The following TANGO6 variants were observed in gnomAD, a reference collection of about 807,000 sequenced individuals.
The protein encoded by TANGO6 is transport and golgi organization 6 homolog, also known as transport and Golgi organization protein 6 homolog.
A neutral mutation model predicts 114.2 loss-of-function variants in TANGO6; 90 were observed. That is an observed-to-expected ratio of 0.79 (90% CI 0.66 to 0.94). The LOEUF (loss-of-function observed/expected upper bound fraction) is 0.94, where lower values mean the gene tolerates loss of function less well. TANGO6 is among the 40% of genes least tolerant of loss of function. The pLI is 0.00. For synonymous variants in TANGO6, 477 were observed against 509.8 expected (o/e 0.94, Z 0.87); for missense variants, 1,274 against 1,315.3 (o/e 0.97, Z 0.49).
At chr16:68,994,495 A>G (rs1160394277) in intron 15 of TANGO6, among the ~76,000 whole-genome samples, 1 of 152,018 alleles carries the variant, frequency 6.6e-6, no homozygotes, top group Admixed American at 6.6e-5. Flanking sequence ...ATTCTTTCCC[A>G]GCCTATAAGA....
chr16:68,876,035 C>G (rs1257566143), intron 5 of TANGO6, among the ~76,000 whole-genome samples: 1 of 152,150 alleles, frequency 6.6e-6, no homozygotes, highest in Non-Finnish European at 1.5e-5. Flanking sequence ...CTATGAATTT[C>G]TTTCCAGAGA....
intron 14 of TANGO6, among the ~76,000 whole-genome samples, chr16:68,955,109 CAG>C (rs765853552): frequency 2.0e-5 from 3 of 152,112 alleles, no homozygotes; most frequent in Non-Finnish European, 2.9e-5. Context: ...TACTAAAGCA[CAG>C]AGTGACTATG....
chr16:68,882,321 C>T (rs1264131901), intron 7 of TANGO6, among the ~76,000 whole-genome samples: 1 of 151,628 alleles, frequency 6.6e-6, no homozygotes, highest in East Asian at 1.9e-4. Context: ...ATGGTGAAAC[C>T]CCGTCTCTAC....
chr16:68,939,431 C>T (rs1027781728), intron 14 of TANGO6, among the ~76,000 whole-genome samples: 1 of 152,084 alleles, frequency 6.6e-6, no homozygotes, highest in African/African-American at 2.4e-5. Flanking sequence ...TGGGTGAGAC[C>T]TGTAGTTGTC....
Position 69,074,909 on chromosome 16 carries a change from G to A in TANGO6, c.3109-8576G>A, listed in dbSNP as rs574027762. 5.3e-5 allele frequency among the ~76,000 whole-genome samples: 8 copies of A among 151,498 alleles called. No individual in the cohort carries two copies. In the East Asian group the frequency reaches 7.8e-4, roughly 15 times the overall value. ...ATTGCCCAGGCTAGTGTGAGGTGGC[G>A]CCATTCTTGGCTCACTGCAACCTCC... On this transcript the variant is annotated intron_variant, in intron 17 of 17. Transcript: ENST00000261778.
At chr16:68,886,123 T>G (rs1012614175) in intron 7 of TANGO6, among the ~76,000 whole-genome samples, 2 of 152,216 alleles carry the variant, frequency 1.3e-5, no homozygotes, top group Non-Finnish European at 2.9e-5. Flanking sequence ...TTGATTTATG[T>G]TTCCTAATGG....
At chr16:69,028,251 G>A (rs1469760476) in intron 16 of TANGO6, among the ~76,000 whole-genome samples, 2 of 151,800 alleles carry the variant, frequency 1.3e-5, no homozygotes, top group African/African-American at 2.4e-5. Context: ...GTGAGCCACC[G>A]CTCCCGGCCC....
chr16:68,906,973 T>TTTTG lies in TANGO6; in HGVS notation c.1668-469_1668-468insTTGT, dbSNP rs1962858953. Among the ~76,000 whole-genome samples the TTTTG allele has an allele frequency of 7.9e-5, 12 of 152,144 alleles. No individual in the cohort carries two copies. The South Asian group carries it at 2.5e-3, about 32-fold the overall frequency. On this transcript the variant is annotated intron_variant, in intron 9 of 17. Coordinates refer to ENST00000261778, the MANE Select transcript of TANGO6 (RefSeq NM_024562.2). ...TACGCCCAGCTAATTTTTGTATTTT[T>TTTTG]TAGTAGAGACGGGGTTTCACCATGT...
chr16:69,019,513 A>G (rs1237795047), intron 15 of TANGO6, among the ~76,000 whole-genome samples: 1 of 152,188 alleles, frequency 6.6e-6, no homozygotes, highest in Non-Finnish European at 1.5e-5. Context: ...GGGAAAACAA[A>G]AACAAAAACG....
chr16:68,947,893 A>G (rs1272407037), intron 14 of TANGO6, among the ~76,000 whole-genome samples: 1 of 152,080 alleles, frequency 6.6e-6, no homozygotes, highest in African/African-American at 2.4e-5. Context: ...CGCCCAGACT[A>G]CAACCCATCT....
chr16:68,851,508 C>T (rs750538400), intron 1 of TANGO6, among the ~76,000 whole-genome samples: 21 of 152,194 alleles, frequency 1.4e-4, no homozygotes, highest in Admixed American at 7.9e-4. Flanking sequence ...CATGATGGTA[C>T]GTATAAATCT....
chr16:69,040,489 T>C, intron 17 of TANGO6, 68 bp downstream of exon 17: 4 of 1,366,076 alleles, frequency 2.9e-6, no homozygotes, highest in Non-Finnish European at 4.1e-6. Flanking sequence ...AATCTTCCTT[T>C]TACCAGGGAA....
chr16:69,055,534 C>G (rs1224169755), intron 17 of TANGO6, among the ~76,000 whole-genome samples: 1 of 152,200 alleles, frequency 6.6e-6, no homozygotes, highest in Non-Finnish European at 1.5e-5. Context: ...CATGTTCATC[C>G]CCAGATCAGC....
At chr16:68,964,215 T>C (rs932732810) in intron 14 of TANGO6, among the ~76,000 whole-genome samples, 5 of 152,098 alleles carry the variant, frequency 3.3e-5, no homozygotes, top group African/African-American at 9.7e-5. Flanking sequence ...TACCCTGATC[T>C]GATCGCTATA....
chr16:69,039,844 A>G (rs1223652626), intron 16 of TANGO6, among the ~76,000 whole-genome samples: 3 of 152,142 alleles, frequency 2.0e-5, no homozygotes, highest in Non-Finnish European at 2.9e-5. Context: ...ACTTTCATCA[A>G]TGGTACATTC....
intron 15 of TANGO6, 80 bp downstream of exon 15, chr16:68,974,248 G>C (rs763658029): frequency 6.4e-7 from 1 of 1,550,598 alleles, no homozygotes; most frequent in Admixed American, 1.7e-5. Flanking sequence ...GTACCTGGGG[G>C]CTTGTTACAC....
chr16:69,002,398 A>C (rs1964052384), intron 15 of TANGO6, among the ~76,000 whole-genome samples: 1 of 152,156 alleles, frequency 6.6e-6, no homozygotes, highest in Non-Finnish European at 1.5e-5. Flanking sequence ...GCCATGTATT[A>C]AGGAAAGGAC....
chr16:69,077,689 C>T (rs575304833), intron 17 of TANGO6, among the ~76,000 whole-genome samples: 2 of 152,082 alleles, frequency 1.3e-5, no homozygotes, highest in East Asian at 1.9e-4. Context: ...ATTAGCCGGG[C>T]GTGGTGGCAC....
chr16:68,865,794 T>C (rs933884058), intron 3 of TANGO6, among the ~76,000 whole-genome samples: 3 of 149,330 alleles, frequency 2.0e-5, no homozygotes, highest in Middle Eastern at 3.6e-3. Context: ...GGCAGGTGCC[T>C]GTAGTCCCAG....
Sources: allele counts gnomAD v4.1 joint callset (sites outside exome capture counted in the v4.1 genomes callset), GRCh38; gene constraint gnomAD v4.1.1; transcripts MANE v1.5; gene names NCBI Gene and HGNC (gene_info 2026-07-23, HGNC 2026-07-21).